Variants in SULT1C4 observed in about 807,000 individuals in gnomAD.
SULT1C4 encodes the protein sulfotransferase family 1C member 4.
SULT1C4 carries 32 observed loss-of-function variants against 34.8 expected under a neutral mutation model. The observed-to-expected ratio is 0.92, with a 90% CI of 0.69 to 1.23. The LOEUF is 1.23. SULT1C4 is among the 50% of genes most tolerant of loss of function. The pLI is 0.00. For synonymous variants in SULT1C4, 111 were observed against 120.5 expected (o/e 0.92, Z 0.51); for missense variants, 375 against 365.9 (o/e 1.02, Z -0.20).
intron 6 of SULT1C4, 42 bp downstream of exon 6, chr2:108,386,414 C>A: frequency 7.5e-7 from 1 of 1,325,552 alleles, no homozygotes; most frequent in South Asian, 2.5e-5. Flanking sequence ...AAAGAACTGT[C>A]AAATATTTTA....
chr2:108,385,737 G>T (rs963427140), intron 5 of SULT1C4, among the ~76,000 whole-genome samples: 4 of 151,430 alleles, frequency 2.6e-5, no homozygotes, highest in African/African-American at 9.7e-5. Context: ...CTTGAGGCAT[G>T]CAAAAAAAAA....
At chr2:108,380,354 A>AT (rs1022365676) in intron 1 of SULT1C4, among the ~76,000 whole-genome samples, 4 of 152,050 alleles carry the variant, frequency 2.6e-5, no homozygotes, top group Non-Finnish European at 4.4e-5. Flanking sequence ...ATGTACAAAA[A>AT]AAAAATAAAA....
rs573594569 is a variant in SULT1C4 at position 108,388,151 on chromosome 2, T to C, written c.*719T>C. 3.3e-4 allele frequency: 51 copies of C among 152,264 alleles called. No individual in the cohort carries two copies. Among genetic ancestry groups the C allele is most frequent in the African/African-American group, 1.1e-3 (47 of 41,552 alleles). The allele number at this position is 152,264 out of a possible 1,614,324, so 9.4% of individuals were successfully genotyped here. A position where few individuals can be genotyped will look rare whatever the true frequency, so the allele number is the denominator to read the frequency against. ...CACTAACGTGTAAATAGTGACTGTT[T>C]GTTCCAGCAATTTTTTGGTGGTGAA... On this transcript the variant is annotated 3_prime_UTR_variant, in exon 7 of 7. Transcript: ENST00000272452.
chr2:108,388,423 G>A lies in SULT1C4; in HGVS notation c.*991G>A, dbSNP rs1434116498. ...CTACGAAATCTCTTAAAATATTTCC[G>A]TCTAACCATTCCTTGTTTTCCTTCT... On this transcript the variant is annotated 3_prime_UTR_variant, in exon 7 of 7. Transcript: ENST00000272452. Among the ~76,000 whole-genome samples the A allele has an allele frequency of 2.0e-5, 3 of 152,038 alleles. No individual in the cohort carries two copies. Among genetic ancestry groups the A allele is most frequent in the African/African-American group, 2.4e-5 (1 of 41,388 alleles).
intron 2 of SULT1C4, 154 bp from the exon 3 acceptor site, chr2:108,382,231 T>C: frequency 1.4e-6 from 1 of 700,896 alleles, no homozygotes; most frequent in Middle Eastern, 2.6e-4. Context: ...AAAACATCTA[T>C]TCATAGGCTA....
rs201388123 is a variant in SULT1C4, at chr2:108,381,844, A to G, written c.252A>G (p.Gln84=). ...VEKSKRAPTH[Q]RFPFLEMKIP... ...AAAGTAAACGGGCACCGACTCATCA[A>G]CGATTTCCTTTCCTCGAAATGAAAA... The change falls in exon 2 of 7, where the codon CAA becomes CAG. Residue 84 remains glutamine (Q), a synonymous_variant. Coordinates refer to ENST00000272452, the MANE Select transcript of SULT1C4 (RefSeq NM_006588.4). 125 of 1,509,902 alleles carry G rather than the reference A, an allele frequency of 8.3e-5. No homozygotes were observed. The highest frequency in any genetic ancestry group is 1.1e-4 in the Non-Finnish European group (120 of 1,135,382). 93.5% of individuals were successfully genotyped at this position (1,509,902 alleles called of 1,614,324 possible).
chr2:108,381,824 A>C lies in SULT1C4; in HGVS notation c.232A>C (p.Lys78Gln). The change falls in exon 2 of 7, where the codon AAA becomes CAA. Residue 78 changes from lysine to glutamine, a missense_variant. By Grantham distance (53) the Lys-to-Gln change is moderately conservative. Coordinates refer to ENST00000272452, the MANE Select transcript of SULT1C4 (RefSeq NM_006588.4). The stretch of plus-strand genomic sequence containing the variant: ...AAATGAAGGTGATGTGGAGAAAAGT[A>C]AACGGGCACCGACTCATCAACGATT... ...IQNEGDVEKS[K>Q]RAPTHQRFPF... 1 of 1,503,894 alleles carries C rather than the reference A, an allele frequency of 6.6e-7. No homozygotes were observed. Among genetic ancestry groups the C allele is most frequent in the Non-Finnish European group, 8.8e-7 (1 of 1,130,994 alleles). 93.2% of individuals were successfully genotyped at this position (1,503,894 alleles called of 1,614,324 possible).
intron 2 of SULT1C4, 66 bp downstream of exon 2, chr2:108,381,953 A>C: frequency 1.4e-6 from 2 of 1,395,958 alleles, no homozygotes; most frequent in Non-Finnish European, 1.9e-6. Context: ...CTGTCTTTGC[A>C]CCTTTCGAAA....
rs1021113619 is a variant in SULT1C4, at chr2:108,378,559, T to G, written c.169+53T>G. The G allele has an allele frequency of 1.3e-5, 21 of 1,577,502 alleles. No individual in the cohort carries two copies. The South Asian group carries it at 2.3e-4, about 17-fold the overall frequency. On this transcript the variant is annotated intron_variant, in intron 1 of 6. Coordinates refer to ENST00000272452, the MANE Select transcript of SULT1C4 (RefSeq NM_006588.4). ...GGAAGAGGAGAGTTAGGAAGGTAAGTGGAAGTATGCATTAGTCATGAAATA... is the reference window on the plus strand; with the variant it reads ...GGAAGAGGAGAGTTAGGAAGGTAAGGGGAAGTATGCATTAGTCATGAAATA...
At chr2:108,385,131 A>G (rs188650139) in intron 5 of SULT1C4, among the ~76,000 whole-genome samples, 221 of 152,346 alleles carry the variant, frequency 1.5e-3, no homozygotes, top group African/African-American at 5.2e-3. Context: ...TGAGGTTATC[A>G]GTATAAAATT....
At chr2:108,381,281 GATA>G (rs1019429010) in intron 1 of SULT1C4, among the ~76,000 whole-genome samples, 1 of 152,002 alleles carries the variant, frequency 6.6e-6, no homozygotes, top group African/African-American at 2.4e-5. Flanking sequence ...ATCATATTAT[GATA>G]ATAAGATATA....
In SULT1C4 at chr2:108,387,358, C is replaced by A. The variant is rs1258555343; in HGVS notation, c.835C>A (p.Gln279Lys). Residue 279 changes from glutamine to lysine, a missense_variant, in exon 7 of 7, where the codon CAG becomes AAG. Gln to Lys is a moderately conservative substitution (Grantham distance 53, BLOSUM62 1). Coordinates refer to ENST00000272452, the MANE Select transcript of SULT1C4 (RefSeq NM_006588.4). ...GDWKKHFTVA[Q>K]NERFDEDYKK... ...CTGGAAGAAACACTTCACCGTGGCT[C>A]AGAATGAGAGATTTGATGAAGATTA... is the stretch of plus-strand genomic sequence containing the variant. 4 of 1,613,608 alleles carry A rather than the reference C, an allele frequency of 2.5e-6. No individual in the cohort carries two copies. Among genetic ancestry groups the A allele is most frequent in the Non-Finnish European group, 3.4e-6 (4 of 1,179,828 alleles).
intron 5 of SULT1C4, among the ~76,000 whole-genome samples, chr2:108,384,204 C>CTTTA (rs797000968): frequency 0.011 from 1,620 of 150,494 alleles, 19 homozygotes; most frequent in African/African-American, 0.023. Context: ...GAACATAATA[C>CTTTA]TTTATTTATT....
rs767244436 is a variant in SULT1C4 at position 108,383,234 on chromosome 2, CTT to C, written c.520+17_520+18del. 3.1e-6 allele frequency: 5 copies of C among 1,606,308 alleles called. 1 individual carries two copies. The South Asian group carries it at 4.5e-5, about 14-fold the overall frequency. ...GGCTGGGAAAGGTGAGAGAATTTAG[CTT>C]TGTTTCCCTTCGTTTCTCAAAATCT... On this transcript the variant is annotated intron_variant, in intron 4 of 6. Coordinates refer to ENST00000272452, the MANE Select transcript of SULT1C4 (RefSeq NM_006588.4).
chr2:108,382,719 C>A, intron 3 of SULT1C4: 1 of 446,674 alleles, frequency 2.2e-6, no homozygotes, highest in Middle Eastern at 6.2e-4. Context: ...GCCTGACCAA[C>A]ACGGCGAAAC....
At chr2:108,385,592 C>T (rs4149438) in intron 5 of SULT1C4, among the ~76,000 whole-genome samples, 1 of 151,910 alleles carries the variant, frequency 6.6e-6, no homozygotes, top group Non-Finnish European at 1.5e-5. Flanking sequence ...GAGATGGAGG[C>T]GTCCCACAGC....
At chr2:108,381,480 C>T (rs943901956) in intron 1 of SULT1C4, among the ~76,000 whole-genome samples, 1 of 151,844 alleles carries the variant, frequency 6.6e-6, no homozygotes, top group East Asian at 1.9e-4. Flanking sequence ...GGTAAAATGC[C>T]GTCTCTACAA....
rs188404312 is a variant in SULT1C4, at chr2:108,381,213, A to T, written c.170-549A>T. On this transcript the variant is annotated intron_variant, in intron 1 of 6. Transcript: ENST00000272452. ...TCCAAATTAATAGTTGTGACAGAAA[A>T]AAATAAATGTATATTTATCAGTCTA... 1.4e-3 allele frequency among the ~76,000 whole-genome samples: 213 copies of T among 152,360 alleles called. 1 individual carries two copies. The highest frequency in any genetic ancestry group is 2.2e-3 in the Admixed American group (33 of 15,304).
rs972166387 is a variant in SULT1C4 at position 108,388,789 on chromosome 2, C to A, written c.*1357C>A. Among the ~76,000 whole-genome samples the A allele has an allele frequency of 1.2e-4, 19 of 152,134 alleles. No individual in the cohort carries two copies. Among genetic ancestry groups the A allele is most frequent in the African/African-American group, 4.1e-4 (17 of 41,422 alleles). ...CACATCTTACCACTTCCTACCCTCCCAGTTTTATTTATACCAAGCCTCCTC... is the reference window on the plus strand; with the variant it reads ...CACATCTTACCACTTCCTACCCTCCAAGTTTTATTTATACCAAGCCTCCTC... On this transcript the variant is annotated 3_prime_UTR_variant, in exon 7 of 7. Coordinates refer to ENST00000272452, the MANE Select transcript of SULT1C4 (RefSeq NM_006588.4).
Sources: allele counts gnomAD v4.1 joint callset (sites outside exome capture counted in the v4.1 genomes callset), GRCh38; gene constraint gnomAD v4.1.1; transcripts MANE v1.5; gene names NCBI Gene and HGNC (gene_info 2026-07-23, HGNC 2026-07-21).